TBC1D5: variants seen among roughly 807,000 people sequenced by gnomAD.
TBC1D5 encodes TBC1 domain family, member 5.
In TBC1D5, 75 loss-of-function variants were observed where a neutral mutation model predicts 100.3. The ratio of observed to expected loss-of-function variants is 0.75; its 90% CI spans 0.62 to 0.91. TBC1D5 has a LOEUF of 0.91. Among genes scored for constraint, TBC1D5 ranks in the 40% least tolerant of loss-of-function variants. TBC1D5 has a pLI of 0.00. For missense variants in TBC1D5, 910 were observed against 942.4 expected (o/e 0.97, Z 0.45); for synonymous variants, 323 against 325.6 (o/e 0.99, Z 0.09).
chr3:17,255,421 C>T (rs1033745604), intron 16 of TBC1D5, among the ~76,000 whole-genome samples: 5 of 151,958 alleles, frequency 3.3e-5, no homozygotes, highest in Admixed American at 6.6e-5. Flanking sequence ...AGGATGGTCT[C>T]GATCTCCTGA....
chr3:17,678,841 T>C (rs2069049204), intron 1 of TBC1D5, among the ~76,000 whole-genome samples: 1 of 150,750 alleles, frequency 6.6e-6, no homozygotes, highest in Non-Finnish European at 1.5e-5. Context: ...CCTAAAGCCT[T>C]CTAGAATATT....
At chr3:17,552,744 A>G (rs1168861489) in intron 2 of TBC1D5, among the ~76,000 whole-genome samples, 1 of 152,186 alleles carries the variant, frequency 6.6e-6, no homozygotes, top group African/African-American at 2.4e-5. Context: ...GGGTATTCAG[A>G]TATCTGAAGA....
At chr3:17,687,502 G>A (rs1343162737) in intron 1 of TBC1D5, among the ~76,000 whole-genome samples, 1 of 151,954 alleles carries the variant, frequency 6.6e-6, no homozygotes, top group Non-Finnish European at 1.5e-5. Context: ...AACAAGGAGA[G>A]GGGGAAAAAA....
At chr3:17,367,759 T>C (rs950328092) in intron 13 of TBC1D5, among the ~76,000 whole-genome samples, 8 of 151,874 alleles carry the variant, frequency 5.3e-5, no homozygotes, top group African/African-American at 1.9e-4. Context: ...CTCAGGAGGC[T>C]GAGGCAGGAT....
At chr3:17,406,715 A>G (rs1474617972) in intron 4 of TBC1D5, 189 bp from the exon 5 acceptor site, 1 of 548,666 alleles carries the variant, frequency 1.8e-6, no homozygotes, top group African/African-American at 1.9e-5. Context: ...GATTTAATGA[A>G]TATGTAGATA....
intron 2 of TBC1D5, chr3:17,622,682 T>C (rs888228270): frequency 6.6e-6 from 1 of 151,976 alleles, no homozygotes; most frequent in African/African-American, 2.4e-5. Flanking sequence ...CATCAACATA[T>C]AATGGGATTC....
At chr3:17,702,382 T>G (rs2073338964) in intron 1 of TBC1D5, 2 of 152,190 alleles carry the variant, frequency 1.3e-5, no homozygotes, top group South Asian at 4.1e-4. Flanking sequence ...TTTTCAAATA[T>G]TTAACAGATA....
At chr3:17,189,384 G>T (rs759471922) in intron 18 of TBC1D5, among the ~76,000 whole-genome samples, 2 of 152,114 alleles carry the variant, frequency 1.3e-5, no homozygotes, top group Non-Finnish European at 2.9e-5. Context: ...TACAAGGCAA[G>T]AAATTGATAG....
At chr3:17,288,887 A>G (rs770910113) in intron 15 of TBC1D5, among the ~76,000 whole-genome samples, 2 of 152,136 alleles carry the variant, frequency 1.3e-5, no homozygotes, top group Non-Finnish European at 2.9e-5. Context: ...ACCCCTTGTG[A>G]TGGGAAGCAG....
intron 14 of TBC1D5, among the ~76,000 whole-genome samples, chr3:17,302,431 C>T (rs1317084795): frequency 6.6e-6 from 1 of 152,124 alleles, no homozygotes; most frequent in Non-Finnish European, 1.5e-5. Context: ...AATTAGGTCA[C>T]GTTCTCAGGT....
chr3:17,451,790 G>C (rs1427371288), intron 3 of TBC1D5, among the ~76,000 whole-genome samples: 1 of 152,176 alleles, frequency 6.6e-6, no homozygotes, highest in Admixed American at 6.5e-5. Context: ...GGGCGTGGTG[G>C]TGGGCGCCTG....
intron 16 of TBC1D5, among the ~76,000 whole-genome samples, chr3:17,246,858 G>A (rs1038391043): frequency 1.3e-5 from 2 of 152,192 alleles, no homozygotes; most frequent in African/African-American, 4.8e-5. Flanking sequence ...GCTGCCCAAA[G>A]CCTGTACCTT....
intron 2 of TBC1D5, among the ~76,000 whole-genome samples, chr3:17,510,342 C>T (rs2095890025): frequency 6.6e-6 from 1 of 151,970 alleles, no homozygotes. Context: ...AAACCCCCTA[C>T]ATCCACACAA....
intron 1 of TBC1D5, among the ~76,000 whole-genome samples, chr3:17,729,436 G>A (rs1442390357): frequency 6.6e-6 from 1 of 152,126 alleles, no homozygotes; most frequent in Non-Finnish European, 1.5e-5. Flanking sequence ...GGCCGGGCGA[G>A]GTGGCTCACG....
At chr3:17,448,330 C>G (rs541855121) in intron 3 of TBC1D5, among the ~76,000 whole-genome samples, 1 of 152,120 alleles carries the variant, frequency 6.6e-6, no homozygotes, top group South Asian at 2.1e-4. Flanking sequence ...GGAATCAACT[C>G]CTTTAAAACC....
chr3:17,603,153 TG>T (rs1304887686), intron 2 of TBC1D5, among the ~76,000 whole-genome samples: 4 of 148,336 alleles, frequency 2.7e-5, no homozygotes, highest in Non-Finnish European at 4.4e-5. Flanking sequence ...TTAAGTTTTT[TG>T]GTTTTTTTTT....
chr3:17,412,574 T>G (rs1031375281), intron 4 of TBC1D5, among the ~76,000 whole-genome samples: 2 of 151,842 alleles, frequency 1.3e-5, no homozygotes, highest in Non-Finnish European at 2.9e-5. Flanking sequence ...CAGTTTAATT[T>G]AAAAAAAAGT....
At chr3:17,437,904 A>T (rs1330723592) in intron 3 of TBC1D5, among the ~76,000 whole-genome samples, 1 of 152,220 alleles carries the variant, frequency 6.6e-6, no homozygotes, top group African/African-American at 2.4e-5. Flanking sequence ...TGAGGAAATT[A>T]TTGGGTATCT....
At chr3:17,412,154 A>C (rs1236626220) in intron 4 of TBC1D5, among the ~76,000 whole-genome samples, 2 of 152,194 alleles carry the variant, frequency 1.3e-5, no homozygotes, top group East Asian at 3.8e-4. Flanking sequence ...CTGGTAGTAC[A>C]GAGGGGAAAG....
Sources: gnomAD v4.1 joint callset for allele counts (sites outside exome capture counted in the v4.1 genomes callset) on GRCh38, gnomAD v4.1.1 for gene constraint, MANE v1.5 for transcripts, NCBI Gene and HGNC (gene_info 2026-07-23, HGNC 2026-07-21) for gene names.